Variants in ROBO2 observed in about 807,000 individuals in gnomAD.
ROBO2 encodes the protein roundabout guidance receptor 2, also known as roundabout homolog 2.
Under a neutral mutation model 160.8 loss-of-function variants are expected in ROBO2, and 53 were observed. The observed-to-expected ratio is 0.33, with a 90% CI of 0.26 to 0.41. ROBO2 has a LOEUF of 0.41. Among genes scored for constraint, ROBO2 ranks in the 10% least tolerant of loss-of-function variants. ROBO2 has a pLI of 1.00. For missense variants in ROBO2, 1,577 were observed against 1,722.4 expected, an observed-to-expected ratio of 0.92 and a Z score of 1.49; for synonymous variants, 664 against 611.7, an observed-to-expected ratio of 1.09 and a Z score of -1.26.
At chr3:76,367,818 A>G (rs2075901054) in intron 2 of ROBO2, among the ~76,000 whole-genome samples, 1 of 151,954 alleles carries the variant, frequency 6.6e-6, no homozygotes, top group South Asian at 2.1e-4. Flanking sequence ...AATTTTGTGC[A>G]ATATGAGATT....
chr3:76,980,888 T>C (rs941924915), intron 2 of ROBO2, among the ~76,000 whole-genome samples: 1 of 152,202 alleles, frequency 6.6e-6, no homozygotes, highest in Admixed American at 6.5e-5. Flanking sequence ...ATTTTCTACA[T>C]ATAAATTTGT....
intron 2 of ROBO2, among the ~76,000 whole-genome samples, chr3:76,730,348 ACCTCCTACTCCCTACC>A (rs1374753202): frequency 1.7e-4 from 11 of 65,550 alleles, no homozygotes; most frequent in Non-Finnish European, 1.3e-4. Context: ...ACCTCTCCTC[ACCTCCTACTCCCTACC>A]CGCTTGTCCT....
chr3:76,657,280 C>A (rs145788790), intron 2 of ROBO2, among the ~76,000 whole-genome samples: 1 of 151,830 alleles, frequency 6.6e-6, no homozygotes, highest in African/African-American at 2.4e-5. Context: ...AAAAAATTAT[C>A]TGGGCTTGGT....
chr3:76,655,660 G>GA (rs566612444), intron 2 of ROBO2, among the ~76,000 whole-genome samples: 1 of 127,354 alleles, frequency 7.9e-6, no homozygotes, highest in Admixed American at 8.5e-5. Context: ...AGAGAAAGAA[G>GA]AAAAAAAAGA....
intron 2 of ROBO2, among the ~76,000 whole-genome samples, chr3:76,420,729 C>A (rs1404003692): frequency 6.6e-6 from 1 of 152,060 alleles, no homozygotes; most frequent in African/African-American, 2.4e-5. Context: ...TAAGAGATTC[C>A]AACTATTTTT....
At chr3:76,581,291 T>C (rs1336460991) in intron 2 of ROBO2, among the ~76,000 whole-genome samples, 2 of 152,066 alleles carry the variant, frequency 1.3e-5, no homozygotes, top group Non-Finnish European at 2.9e-5. Context: ...ATACTTTTAA[T>C]GTTTTAAGAG....
At chr3:75,918,629 T>G (rs1370858664) in intron 1 of ROBO2, among the ~76,000 whole-genome samples, 1 of 152,188 alleles carries the variant, frequency 6.6e-6, no homozygotes, top group Non-Finnish European at 1.5e-5. Context: ...TTGGGCAATA[T>G]GGCCATTTTC....
intron 2 of ROBO2, among the ~76,000 whole-genome samples, chr3:76,628,708 C>CTT (rs895457479): frequency 1.1e-4 from 16 of 152,078 alleles, no homozygotes; most frequent in Admixed American, 3.9e-4. Flanking sequence ...AAAAGTGATT[C>CTT]TTTTCTTCCA....
chr3:77,403,138 A>T (rs1233623083), intron 2 of ROBO2, among the ~76,000 whole-genome samples: 4 of 152,226 alleles, frequency 2.6e-5, no homozygotes, highest in African/African-American at 9.6e-5. Context: ...GGTGTACCAC[A>T]TGTTTTAAAA....
At chr3:77,462,161 AGCCG>A in intron 2 of ROBO2, among the ~76,000 whole-genome samples, 1 of 152,306 alleles carries the variant, frequency 6.6e-6, no homozygotes, top group East Asian at 1.9e-4. Context: ...AATAACTGTA[AGCCG>A]CTCTCAACTA....
At chr3:76,028,135 AAATC>A (rs35585308) in intron 2 of ROBO2, among the ~76,000 whole-genome samples, 16,104 of 151,938 alleles carry the variant, frequency 0.11, 1,104 homozygotes, top group Non-Finnish European at 0.15. Flanking sequence ...TGAGATGAGA[AAATC>A]AATCCTTTCT....
chr3:77,388,798 A>G (rs551880143), intron 2 of ROBO2, among the ~76,000 whole-genome samples: 1 of 152,376 alleles, frequency 6.6e-6, no homozygotes, highest in East Asian at 1.9e-4. Flanking sequence ...TAATACACCA[A>G]TAAAATCTAT....
chr3:76,736,730 G>T (rs1259358455), intron 2 of ROBO2, among the ~76,000 whole-genome samples: 1 of 152,104 alleles, frequency 6.6e-6, no homozygotes, highest in South Asian at 2.1e-4. Context: ...TTACCTAAAG[G>T]TATGATCTAA....
At chr3:77,492,044 C>T (rs886821247) in intron 4 of ROBO2, among the ~76,000 whole-genome samples, 1 of 152,154 alleles carries the variant, frequency 6.6e-6, no homozygotes. Flanking sequence ...AGGTTTCCTG[C>T]CGAATACATT....
chr3:76,184,548 GAT>G (rs1701652727), intron 2 of ROBO2, among the ~76,000 whole-genome samples: 2 of 61,562 alleles, frequency 3.2e-5, no homozygotes, highest in South Asian at 5.1e-4. Context: ...ATAGGAGATA[GAT>G]AGATAGATAG....
intron 2 of ROBO2, among the ~76,000 whole-genome samples, chr3:76,336,025 A>G (rs2073868516): frequency 6.6e-6 from 1 of 152,240 alleles, no homozygotes; most frequent in South Asian, 2.1e-4. Context: ...CTTGTGTGTA[A>G]GCAAGACACC....
intron 2 of ROBO2, among the ~76,000 whole-genome samples, chr3:76,135,797 G>A (rs770897919): frequency 1.3e-5 from 2 of 152,014 alleles, no homozygotes; most frequent in Non-Finnish European, 2.9e-5. Flanking sequence ...CATCTAAATA[G>A]CACTTTACAA....
intron 2 of ROBO2, among the ~76,000 whole-genome samples, chr3:76,406,607 A>T (rs1017451447): frequency 5.3e-5 from 8 of 151,852 alleles, no homozygotes; most frequent in African/African-American, 1.9e-4. Context: ...CTCAAGAAAC[A>T]TGATTCACTC....
intron 2 of ROBO2, among the ~76,000 whole-genome samples, chr3:76,202,451 T>C (rs1365069076): frequency 6.6e-6 from 1 of 152,238 alleles, no homozygotes; most frequent in Non-Finnish European, 1.5e-5. Flanking sequence ...TCATGTACCT[T>C]GTAGACAGAA....
Sources: allele counts gnomAD v4.1 joint callset (sites outside exome capture counted in the v4.1 genomes callset), GRCh38; gene constraint gnomAD v4.1.1; transcripts MANE v1.5; gene names NCBI Gene and HGNC (gene_info 2026-07-23, HGNC 2026-07-21).